The following VEPH1 variants were observed in gnomAD, a reference collection of about 807,000 sequenced individuals.
The protein encoded by VEPH1 is ventricular zone expressed PH domain containing 1.
A neutral mutation model predicts 85.2 loss-of-function variants in VEPH1; 80 were observed. The observed-to-expected ratio is 0.94, with a 90% CI of 0.78 to 1.13. VEPH1 has a LOEUF of 1.13. Ranked by LOEUF, VEPH1 falls within the 50% of genes most tolerant of loss-of-function variation. The probability of loss-of-function intolerance (pLI) is 0.00; values close to 1 mark genes in which losing one functional copy is unlikely to be tolerated. For missense variants in VEPH1, 955 were observed against 980.5 expected (o/e 0.97, Z 0.35); for synonymous variants, 297 against 348.0 (o/e 0.85, Z 1.63).
At position 157,363,338 on chromosome 3, in the gene VEPH1, A is replaced by T. The variant is rs1029806154; in HGVS notation, c.1735+26T>A. 2.0e-6 allele frequency: 3 copies of T among 1,523,696 alleles called. No individual in the cohort carries two copies. The African/African-American group carries it at 4.2e-5, about 21-fold the overall frequency. The allele number at this position is 1,523,696 out of a possible 1,614,324, so 94.4% of individuals were successfully genotyped here. A position where few individuals can be genotyped will look rare whatever the true frequency, so the allele number is the denominator to read the frequency against. On this transcript the variant is annotated intron_variant, in intron 9 of 13. Transcript: ENST00000362010. ...TTTGCAGTGACTCCTGAAGTTTCTC[A>T]GGTTTGGGAAGTACACAACACTTAC...
chr3:157,264,615 T>A (rs1457022538), intron 13 of VEPH1, among the ~76,000 whole-genome samples: 1 of 152,204 alleles, frequency 6.6e-6, no homozygotes, highest in Non-Finnish European at 1.5e-5. Context: ...CTTTCTCACC[T>A]TATTAGCTTT....
chr3:157,341,272 C>A (rs535565373), intron 9 of VEPH1, among the ~76,000 whole-genome samples: 8 of 152,094 alleles, frequency 5.3e-5, no homozygotes, highest in African/African-American at 1.9e-4. Flanking sequence ...AGCTAAAAAC[C>A]TTGAAAAAAG....
intron 2 of VEPH1, among the ~76,000 whole-genome samples, chr3:157,475,961 G>A (rs987512217): frequency 4.6e-5 from 7 of 152,128 alleles, no homozygotes; most frequent in Non-Finnish European, 1.0e-4. Context: ...TCCACACATG[G>A]GATTGGACAT....
At chr3:157,369,957 G>A (rs942556390) in intron 7 of VEPH1, among the ~76,000 whole-genome samples, 3 of 152,062 alleles carry the variant, frequency 2.0e-5, no homozygotes, top group African/African-American at 7.2e-5. Flanking sequence ...TCACTTAGGG[G>A]GTTGTTATTT....
intron 2 of VEPH1, among the ~76,000 whole-genome samples, chr3:157,485,104 A>G (rs1025168857): frequency 6.6e-6 from 1 of 152,176 alleles, no homozygotes; most frequent in Non-Finnish European, 1.5e-5. Flanking sequence ...CATTCCCCCA[A>G]TGATTGGTTA....
At chr3:157,394,451 A>G (rs567450438) in intron 6 of VEPH1, among the ~76,000 whole-genome samples, 28 of 152,360 alleles carry the variant, frequency 1.8e-4, no homozygotes, top group African/African-American at 6.5e-4. Flanking sequence ...GGTTAATCAC[A>G]GTATCTGTCT....
At chr3:157,286,442 A>G (rs753337049) in intron 12 of VEPH1, 115 bp downstream of exon 12, 26 of 815,524 alleles carry the variant, frequency 3.2e-5, no homozygotes, top group Non-Finnish European at 2.9e-5. Flanking sequence ...GACTCTGTGC[A>G]TTATTACAAC....
intron 12 of VEPH1, 137 bp from the exon 13 acceptor site, chr3:157,265,799 T>C (rs1713560937): frequency 2.2e-6 from 2 of 889,556 alleles, no homozygotes; most frequent in Non-Finnish European, 3.3e-6. Context: ...ATGAATTTGG[T>C]TAACCTTTCC....
intron 7 of VEPH1, among the ~76,000 whole-genome samples, chr3:157,369,895 C>A (rs1182684314): frequency 6.6e-6 from 1 of 152,094 alleles, no homozygotes; most frequent in African/African-American, 2.4e-5. Flanking sequence ...ATCCATGGGT[C>A]CTGTATGTGT....
At chr3:157,380,032 ACAAATAAAACCCCTCCCT>A (rs1219129026) in intron 7 of VEPH1, among the ~76,000 whole-genome samples, 3 of 152,172 alleles carry the variant, frequency 2.0e-5, no homozygotes, top group African/African-American at 7.2e-5. Flanking sequence ...CAGAGCAAAA[ACAAATAAAACCCCTCCCT>A]CAACCTTGCA....
At chr3:157,305,663 G>A (rs1392075351) in intron 11 of VEPH1, among the ~76,000 whole-genome samples, 1 of 152,196 alleles carries the variant, frequency 6.6e-6, no homozygotes, top group Admixed American at 6.5e-5. Flanking sequence ...CTCTTGAACT[G>A]CATTGCTAAA....
At chr3:157,272,383 CTT>C (rs1553754698) in intron 12 of VEPH1, among the ~76,000 whole-genome samples, 7 of 98,242 alleles carry the variant, frequency 7.1e-5, no homozygotes, top group African/African-American at 2.7e-4. Flanking sequence ...TCTTTTCTTT[CTT>C]TCTTTCTTTC....
At chr3:157,460,000 G>C in intron 4 of VEPH1, 181 bp downstream of exon 4, 1 of 1,542,650 alleles carries the variant, frequency 6.5e-7, no homozygotes, top group South Asian at 1.2e-5. Flanking sequence ...CCTTGGGAAG[G>C]GACACAGACA....
chr3:157,375,077 T>C (rs1327673272), intron 7 of VEPH1, among the ~76,000 whole-genome samples: 1 of 152,238 alleles, frequency 6.6e-6, no homozygotes, highest in Non-Finnish European at 1.5e-5. Context: ...CTGCAAGGTT[T>C]ACTCTATTAC....
intron 12 of VEPH1, among the ~76,000 whole-genome samples, chr3:157,272,368 C>CTT (rs1479211870): frequency 2.5e-5 from 3 of 119,990 alleles, no homozygotes; most frequent in African/African-American, 6.3e-5. Context: ...TTCTTTCTTT[C>CTT]TCTTTCTTTT....
chr3:157,368,168 G>A (rs945505607), intron 7 of VEPH1, among the ~76,000 whole-genome samples: 1 of 152,174 alleles, frequency 6.6e-6, no homozygotes, highest in Non-Finnish European at 1.5e-5. Context: ...CACATAACAA[G>A]CAGTCATCAC....
chr3:157,278,282 TTAAC>T (rs1198935582), intron 12 of VEPH1, among the ~76,000 whole-genome samples: 1 of 152,128 alleles, frequency 6.6e-6, no homozygotes, highest in Non-Finnish European at 1.5e-5. Flanking sequence ...AAGATCTACT[TTAAC>T]TAAGTGAAGA....
chr3:157,472,062 C>A, intron 2 of VEPH1, among the ~76,000 whole-genome samples: 1 of 152,150 alleles, frequency 6.6e-6, no homozygotes, highest in East Asian at 1.9e-4. Context: ...TCAGCGGGAG[C>A]CAGGCTCAGC....
intron 4 of VEPH1, among the ~76,000 whole-genome samples, chr3:157,458,099 A>G (rs1420069093): frequency 1.3e-5 from 2 of 152,158 alleles, no homozygotes; most frequent in East Asian, 3.9e-4. Context: ...TTAAGGGTGT[A>G]TGTGCCCAGG....
Sources: gnomAD v4.1 joint callset for allele counts (sites outside exome capture counted in the v4.1 genomes callset) on GRCh38, gnomAD v4.1.1 for gene constraint, MANE v1.5 for transcripts, NCBI Gene and HGNC (gene_info 2026-07-23, HGNC 2026-07-21) for gene names.